The following AP3B1 variants were observed in gnomAD, a reference collection of about 807,000 sequenced individuals.
The protein encoded by AP3B1 is adaptor related protein complex 3 subunit beta 1, also known as AP-3 complex subunit beta-1.
AP3B1 carries 61 observed loss-of-function variants against 132.5 expected under a neutral mutation model. The ratio of observed to expected loss-of-function variants is 0.46; its 90% CI spans 0.37 to 0.57. The LOEUF is 0.57. AP3B1 is among the 20% of genes least tolerant of loss of function. AP3B1 has a pLI of 0.00. For synonymous variants in AP3B1, 388 were observed against 438.3 expected (o/e 0.89, Z 1.43); for missense variants, 1,120 against 1,289.4 (o/e 0.87, Z 2.01).
chr5:78,289,704 T>C (rs77462219), intron 1 of AP3B1, among the ~76,000 whole-genome samples: 4,670 of 152,246 alleles, frequency 0.031, 124 homozygotes, highest in East Asian at 0.14. Context: ...CTTCCTGTGT[T>C]TTCCCACCCT....
At position 78,278,616 on chromosome 5, in the gene AP3B1, AAAAAAAAAAGG is replaced by A. The variant is rs1359280515; in HGVS notation, c.129-11032_129-11022del. Reference sequence around the variant, plus strand: ...TCCGTCTCAAAAAAAAAAAAAAAAAAAAAAAAAAAGGGGGGGGGGGACTAATTAATTATGAG... The same window carrying A: ...TCCGTCTCAAAAAAAAAAAAAAAAAAGGGGGGGGGACTAATTAATTATGAG... On this transcript the variant is annotated intron_variant, in intron 1 of 26. Transcript: ENST00000255194. Among the ~76,000 whole-genome samples the A allele has an allele frequency of 1.2e-4, 9 of 77,650 alleles. 2 individuals carry two copies. Among genetic ancestry groups the A allele is most frequent in the Non-Finnish European group, 2.3e-4 (7 of 31,100 alleles). The allele number at this position is 77,650 out of a possible 152,430, so 50.9% of individuals were successfully genotyped here.
At chr5:78,157,974 C>T (rs765107484) in intron 13 of AP3B1, among the ~76,000 whole-genome samples, 44 of 152,294 alleles carry the variant, frequency 2.9e-4, no homozygotes, top group South Asian at 1.0e-3. Flanking sequence ...TGGTCTCAAA[C>T]TCCTAACCTC....
downstream of AP3B1, chr5:78,000,878 G>A (rs1205074728): frequency 6.6e-6 from 1 of 152,124 alleles, no homozygotes; most frequent in Non-Finnish European, 1.5e-5. Flanking sequence ...CTTTAACTTG[G>A]GGCTTTGGTC....
chr5:78,134,390 A>G (rs1752818975), intron 15 of AP3B1, among the ~76,000 whole-genome samples: 1 of 152,152 alleles, frequency 6.6e-6, no homozygotes, highest in Non-Finnish European at 1.5e-5. Context: ...GGCATAGTAA[A>G]GATTTATATT....
At chr5:78,290,048 A>C (rs1366140990) in intron 1 of AP3B1, among the ~76,000 whole-genome samples, 1 of 152,188 alleles carries the variant, frequency 6.6e-6, no homozygotes, top group Non-Finnish European at 1.5e-5. Flanking sequence ...GCGTTAGTTA[A>C]TATCCTAGTT....
chr5:78,241,025 A>G (rs1747110975), intron 2 of AP3B1, 89 bp from the exon 3 acceptor site: 4 of 895,928 alleles, frequency 4.5e-6, no homozygotes, highest in South Asian at 1.5e-5. Flanking sequence ...TACGTAATTA[A>G]CCGCTGAACT....
rs1239921394 is a variant in AP3B1, at chr5:78,175,988, G to A, written c.1041-150C>T. The A allele has an allele frequency of 1.5e-5, 10 of 685,454 alleles. No homozygotes were observed. The East Asian group carries it at 1.8e-4, about 12-fold the overall frequency. 42.5% of individuals were successfully genotyped at this position (685,454 alleles called of 1,614,324 possible). On this transcript the variant is annotated intron_variant, in intron 9 of 26. Coordinates refer to ENST00000255194, the MANE Select transcript of AP3B1 (RefSeq NM_003664.5). The stretch of plus-strand genomic sequence containing the variant: ...GAAAAGTTTTTAGTAAATCTTAGAT[G>A]TGTGTCTTTTTAACGCACTTTTCCT...
intron 22 of AP3B1, among the ~76,000 whole-genome samples, chr5:78,079,500 G>A (rs536667719): frequency 1.0e-3 from 159 of 152,114 alleles, no homozygotes; most frequent in Middle Eastern, 6.8e-3. Flanking sequence ...ATAATTCTAA[G>A]GAGTTTACCA....
chr5:78,184,297 G>A (rs1744504249), intron 7 of AP3B1, among the ~76,000 whole-genome samples: 1 of 152,074 alleles, frequency 6.6e-6, no homozygotes, highest in African/African-American at 2.4e-5. Flanking sequence ...AAGCAGAGGA[G>A]GGGGACAAAA....
At chr5:78,023,386 G>A (rs750658629) in intron 24 of AP3B1, among the ~76,000 whole-genome samples, 21 of 151,916 alleles carry the variant, frequency 1.4e-4, no homozygotes, top group Admixed American at 4.6e-4. Flanking sequence ...AGACTATAGT[G>A]AACTATGATC....
At chr5:78,171,987 T>C (rs542885308) in intron 11 of AP3B1, among the ~76,000 whole-genome samples, 5 of 152,344 alleles carry the variant, frequency 3.3e-5, no homozygotes, top group Non-Finnish European at 7.4e-5. Flanking sequence ...TCTGCATCTA[T>C]TGAGATAATC....
intron 13 of AP3B1, 134 bp from the exon 14 acceptor site, chr5:78,156,501 A>G: frequency 1.4e-6 from 1 of 697,574 alleles, no homozygotes. Context: ...TGAAAGCATA[A>G]CCATGAGTGC....
At chr5:78,208,942 T>C (rs1745621935) in intron 7 of AP3B1, among the ~76,000 whole-genome samples, 1 of 151,986 alleles carries the variant, frequency 6.6e-6, no homozygotes, top group South Asian at 2.1e-4. Context: ...AATATATATA[T>C]TCCAAAGATG....
At chr5:78,038,554 C>G (rs1385405009) in intron 23 of AP3B1, among the ~76,000 whole-genome samples, 1 of 152,188 alleles carries the variant, frequency 6.6e-6, no homozygotes, top group Non-Finnish European at 1.5e-5. Context: ...GTTGGTCAAG[C>G]TTGGTCTATA....
At chr5:78,081,712 T>C (rs1055799844) in intron 22 of AP3B1, among the ~76,000 whole-genome samples, 2 of 152,236 alleles carry the variant, frequency 1.3e-5, no homozygotes, top group African/African-American at 4.8e-5. Context: ...TACCACTCAC[T>C]GCTCCTTTTA....
chr5:78,071,226 C>T (rs1345055888), intron 22 of AP3B1, among the ~76,000 whole-genome samples: 1 of 152,068 alleles, frequency 6.6e-6, no homozygotes, highest in Admixed American at 6.6e-5. Context: ...TACTATGCAG[C>T]CATAAAAAGG....
intron 20 of AP3B1, among the ~76,000 whole-genome samples, chr5:78,103,922 T>C (rs1474675445): frequency 6.6e-6 from 1 of 152,074 alleles, no homozygotes; most frequent in African/African-American, 2.4e-5. Context: ...CTGAAAAGAT[T>C]TGTTAATGTA....
intron 23 of AP3B1, among the ~76,000 whole-genome samples, chr5:78,036,775 T>C (rs887695760): frequency 1.3e-5 from 2 of 152,166 alleles, no homozygotes; most frequent in Non-Finnish European, 2.9e-5. Flanking sequence ...GTGTATACGT[T>C]CTTAAAAATA....
chr5:78,279,867 AAT>A (rs72032561), intron 1 of AP3B1, among the ~76,000 whole-genome samples: 6,716 of 102,798 alleles, frequency 0.065, 215 homozygotes, highest in East Asian at 0.18. Flanking sequence ...ATAGGACTTA[AAT>A]ATATATATAT....
Sources: allele counts gnomAD v4.1 joint callset (sites outside exome capture counted in the v4.1 genomes callset), GRCh38; gene constraint gnomAD v4.1.1; transcripts MANE v1.5; gene names NCBI Gene and HGNC (gene_info 2026-07-23, HGNC 2026-07-21).